The following GABRB1 variants were observed in gnomAD, a reference collection of about 807,000 sequenced individuals.
GABRB1 encodes gamma-aminobutyric acid receptor subunit beta-1.
A neutral mutation model predicts 51.6 loss-of-function variants in GABRB1; 17 were observed. The ratio of observed to expected loss-of-function variants is 0.33; its 90% confidence interval spans 0.23 to 0.49. The LOEUF is 0.49. Among genes scored for constraint, GABRB1 ranks in the 20% least tolerant of loss-of-function variants. GABRB1 has a pLI of 0.99. For synonymous variants in GABRB1, 247 were observed against 218.9 expected (o/e 1.13, Z -1.14); for missense variants, 410 against 600.6 (o/e 0.68, Z 3.32).
chr4:47,032,115 C>A (rs1179379455), intron 2 of GABRB1, 110 bp downstream of exon 2: 1 of 683,574 alleles, frequency 1.5e-6, no homozygotes, highest in South Asian at 1.7e-5. Flanking sequence ...CGTAAGCGTG[C>A]ACTATACCCT....
chr4:46,994,770 G>T (rs1035076135), intron 1 of GABRB1, among the ~76,000 whole-genome samples: 1 of 152,156 alleles, frequency 6.6e-6, no homozygotes, highest in Non-Finnish European at 1.5e-5. Context: ...ATGGATCAAT[G>T]AGCTAAGTAA....
chr4:47,321,333 A>G (rs1312030508), intron 5 of GABRB1, among the ~76,000 whole-genome samples: 1 of 152,212 alleles, frequency 6.6e-6, no homozygotes, highest in Non-Finnish European at 1.5e-5. Context: ...CAATTACATT[A>G]ACTTTCTAGT....
At chr4:47,032,764 G>A (rs1305678412) in intron 3 of GABRB1, 1 of 651,716 alleles carries the variant, frequency 1.5e-6, no homozygotes, top group Non-Finnish European at 2.9e-6. Context: ...GAGTCTGAGC[G>A]TTACTTTAGC....
chr4:47,337,024 A>G (rs1725725052), intron 5 of GABRB1, among the ~76,000 whole-genome samples: 1 of 152,254 alleles, frequency 6.6e-6, no homozygotes, highest in South Asian at 2.1e-4. Context: ...AAGTTGAAAT[A>G]GAAGCCAAAC....
At chr4:47,061,598 T>C (rs1726847530) in intron 3 of GABRB1, among the ~76,000 whole-genome samples, 1 of 152,150 alleles carries the variant, frequency 6.6e-6, no homozygotes, top group South Asian at 2.1e-4. Flanking sequence ...TTTTAAGGAA[T>C]AAACTAAACT....
chr4:47,361,698 G>A (rs1726812461), intron 5 of GABRB1, among the ~76,000 whole-genome samples: 1 of 152,156 alleles, frequency 6.6e-6, no homozygotes, highest in Non-Finnish European at 1.5e-5. Context: ...AAATTCCAGT[G>A]TTAAAATAGG....
chr4:47,300,767 T>A (rs9683412), intron 4 of GABRB1, among the ~76,000 whole-genome samples: 97,588 of 151,920 alleles, frequency 0.64, 31,800 homozygotes, highest in East Asian at 0.97. Context: ...ATAGTAAACA[T>A]TGAAACCCAA....
intron 3 of GABRB1, among the ~76,000 whole-genome samples, chr4:47,040,648 G>A (rs1033082221): frequency 6.6e-6 from 1 of 152,132 alleles, no homozygotes; most frequent in Non-Finnish European, 1.5e-5. Flanking sequence ...ACTTGGGGAA[G>A]AATTGAGTTA....
intron 3 of GABRB1, among the ~76,000 whole-genome samples, chr4:47,117,657 C>T (rs546166543): frequency 1.3e-5 from 2 of 152,200 alleles, no homozygotes; most frequent in African/African-American, 4.8e-5. Flanking sequence ...AGGAAACATT[C>T]TTGTTAAATA....
At chr4:46,998,651 G>A (rs1197872206) in intron 1 of GABRB1, among the ~76,000 whole-genome samples, 1 of 149,394 alleles carries the variant, frequency 6.7e-6, no homozygotes, top group East Asian at 2.0e-4. Flanking sequence ...GGAGAATGGA[G>A]TGAACCCGGG....
intron 4 of GABRB1, among the ~76,000 whole-genome samples, chr4:47,204,108 G>T (rs1720016970): frequency 2.0e-5 from 3 of 152,174 alleles, no homozygotes; most frequent in Admixed American, 1.3e-4. Context: ...CTGAATTTAA[G>T]TAGTAAATCA....
chr4:47,233,905 CATT>C (rs1463128896), intron 4 of GABRB1, among the ~76,000 whole-genome samples: 3 of 152,096 alleles, frequency 2.0e-5, no homozygotes, highest in African/African-American at 4.8e-5. Flanking sequence ...CAATAAACAT[CATT>C]AACCTACTTA....
intron 5 of GABRB1, among the ~76,000 whole-genome samples, chr4:47,353,154 C>A (rs1385994546): frequency 6.6e-6 from 1 of 152,146 alleles, no homozygotes; most frequent in East Asian, 1.9e-4. Flanking sequence ...TGGGGGAAAC[C>A]ACCCCCATGA....
intron 4 of GABRB1, among the ~76,000 whole-genome samples, chr4:47,252,739 C>T (rs2109865954): frequency 6.6e-6 from 1 of 152,134 alleles, no homozygotes; most frequent in East Asian, 1.9e-4. Flanking sequence ...AACTCCAGAT[C>T]TCAAGTGATC....
At chr4:47,203,074 C>T (rs1019843562) in intron 4 of GABRB1, among the ~76,000 whole-genome samples, 1 of 152,186 alleles carries the variant, frequency 6.6e-6, no homozygotes, top group South Asian at 2.1e-4. Flanking sequence ...AGGAAAAGTG[C>T]TGGCCCTGTA....
At chr4:47,149,074 C>G (rs974623101) in intron 3 of GABRB1, among the ~76,000 whole-genome samples, 1 of 151,876 alleles carries the variant, frequency 6.6e-6, no homozygotes, top group East Asian at 1.9e-4. Flanking sequence ...CTTAGGGCAT[C>G]CTTAAACTCA....
chr4:47,346,197 G>C (rs1235607124), intron 5 of GABRB1, among the ~76,000 whole-genome samples: 4 of 152,186 alleles, frequency 2.6e-5, no homozygotes, highest in African/African-American at 9.7e-5. Context: ...TAAGGCATTG[G>C]AAGGACCACC....
At chr4:47,037,372 GGTATTAGCTAGCAT>G (rs1725626316) in intron 3 of GABRB1, among the ~76,000 whole-genome samples, 9 of 152,108 alleles carry the variant, frequency 5.9e-5, no homozygotes, top group Admixed American at 4.6e-4. Context: ...AGCAGAAACA[GGTATTAGCTAGCAT>G]GTAAATACAT....
At chr4:47,117,649 G>A (rs184774223) in intron 3 of GABRB1, among the ~76,000 whole-genome samples, 243 of 152,272 alleles carry the variant, frequency 1.6e-3, no homozygotes, top group Middle Eastern at 6.8e-3. Context: ...TAGGGTCTAG[G>A]AAACATTCTT....
Sources: gnomAD v4.1 joint callset for allele counts (sites outside exome capture counted in the v4.1 genomes callset) on GRCh38, gnomAD v4.1.1 for gene constraint, MANE v1.5 for transcripts, NCBI Gene and HGNC (gene_info 2026-07-23, HGNC 2026-07-21) for gene names.